RALGAPA2: variants seen among roughly 807,000 people sequenced by gnomAD.
RALGAPA2 encodes Ral GTPase activating protein catalytic subunit alpha 2.
Under a neutral mutation model 230.4 loss-of-function variants are expected in RALGAPA2, and 139 were observed. The ratio of observed to expected loss-of-function variants is 0.60; its 90% confidence interval spans 0.53 to 0.69. The LOEUF is 0.69. Ranked by LOEUF, RALGAPA2 falls within the 30% of genes least tolerant of loss-of-function variation. The pLI, the probability that RALGAPA2 is intolerant of heterozygous loss-of-function variation, is 0.00. For synonymous variants in RALGAPA2, 847 were observed against 837.8 expected (o/e 1.01, Z -0.19); for missense variants, 2,163 against 2,276.0 (o/e 0.95, Z 1.01).
At chr20:20,460,145 T>A (rs1182081165) in intron 37 of RALGAPA2, among the ~76,000 whole-genome samples, 1 of 152,186 alleles carries the variant, frequency 6.6e-6, no homozygotes, top group Non-Finnish European at 1.5e-5. Flanking sequence ...GAGATGTTCT[T>A]CTAGTTGGGG....
intron 16 of RALGAPA2, among the ~76,000 whole-genome samples, chr20:20,601,061 T>C (rs141045285): frequency 0.047 from 7,079 of 151,798 alleles, 229 homozygotes; most frequent in African/African-American, 0.083. Flanking sequence ...GATCACACCA[T>C]TGCATTTCAG....
intron 36 of RALGAPA2, among the ~76,000 whole-genome samples, chr20:20,486,081 A>C (rs2061901242): frequency 6.6e-6 from 1 of 152,164 alleles, no homozygotes; most frequent in African/African-American, 2.4e-5. Flanking sequence ...TCCAGGTTGC[A>C]GTGAGCCATG....
intron 32 of RALGAPA2, among the ~76,000 whole-genome samples, chr20:20,512,224 T>TACACACACACACACACACACAC (rs1257439741): frequency 1.5e-5 from 2 of 137,708 alleles, no homozygotes; most frequent in East Asian, 2.1e-4. Context: ...CAACCCCCCC[T>TACACACACACACACACACACAC]ACACACACAC....
intron 38 of RALGAPA2, among the ~76,000 whole-genome samples, chr20:20,410,717 T>C (rs1179029351): frequency 6.6e-6 from 1 of 152,270 alleles, no homozygotes; most frequent in Non-Finnish European, 1.5e-5. Context: ...TTTTTTAATG[T>C]AAGAAACATT....
At chr20:20,648,750 G>A (rs2067299452) in intron 4 of RALGAPA2, among the ~76,000 whole-genome samples, 1 of 152,078 alleles carries the variant, frequency 6.6e-6, no homozygotes, top group Admixed American at 6.6e-5. Context: ...AAGCGAGCAG[G>A]AGGTCAAAAG....
intron 19 of RALGAPA2, among the ~76,000 whole-genome samples, chr20:20,583,439 T>G (rs1015706106): frequency 7.9e-5 from 12 of 152,184 alleles, no homozygotes; most frequent in African/African-American, 2.7e-4. Flanking sequence ...AGGATATTAA[T>G]AGCCATTATG....
chr20:20,636,112 T>C (rs1201926711), intron 8 of RALGAPA2, among the ~76,000 whole-genome samples: 1 of 152,204 alleles, frequency 6.6e-6, no homozygotes, highest in Non-Finnish European at 1.5e-5. Context: ...ACAGAATCAA[T>C]ATCATCTACT....
intron 5 of RALGAPA2, among the ~76,000 whole-genome samples, chr20:20,643,005 A>G (rs985643695): frequency 1.1e-4 from 16 of 152,212 alleles, no homozygotes; most frequent in African/African-American, 3.1e-4. Context: ...AAATAAACCA[A>G]TTTTAACCTA....
At chr20:20,647,797 T>C (rs2067266591) in intron 4 of RALGAPA2, among the ~76,000 whole-genome samples, 1 of 152,074 alleles carries the variant, frequency 6.6e-6, no homozygotes, top group Admixed American at 6.6e-5. Context: ...AAAAAGATGC[T>C]TAAGATTATT....
intron 1 of RALGAPA2, among the ~76,000 whole-genome samples, chr20:20,703,627 A>T (rs2069481244): frequency 6.6e-6 from 1 of 152,236 alleles, no homozygotes; most frequent in Non-Finnish European, 1.5e-5. Flanking sequence ...CATTTTGCAA[A>T]AGTGTAAACT....
At chr20:20,693,203 G>C (rs1180408468) in intron 1 of RALGAPA2, among the ~76,000 whole-genome samples, 2 of 152,134 alleles carry the variant, frequency 1.3e-5, no homozygotes, top group East Asian at 1.9e-4. Context: ...TAAAGATATA[G>C]TCCAAATACT....
chr20:20,477,416 C>T (rs1294430702), intron 36 of RALGAPA2, among the ~76,000 whole-genome samples: 2 of 152,174 alleles, frequency 1.3e-5, no homozygotes, highest in Non-Finnish European at 1.5e-5. Flanking sequence ...CCTGCAGGGC[C>T]TAATTCCAAC....
Position 20,504,909 on chromosome 20 carries a change from G to GA in RALGAPA2, c.5052+501dup, listed in dbSNP as rs149480254. 2.6e-3 allele frequency: 2,252 copies of GA among 852,026 alleles called. 34 individuals are homozygous for GA. The African/African-American group carries it at 0.039, about 15-fold the overall frequency. The allele number at this position is 852,026 out of a possible 1,614,324, so 52.8% of individuals were successfully genotyped here. On this transcript the variant is annotated intron_variant, in intron 34 of 39. Transcript: ENST00000202677. ...GTATGTCAGAGTACCATTTAATAAA[G>GA]AAAAAATAAACTTTTTCAACATCAA...
chr20:20,447,319 C>T (rs954756068), intron 37 of RALGAPA2, among the ~76,000 whole-genome samples: 1 of 152,176 alleles, frequency 6.6e-6, no homozygotes. Flanking sequence ...GGAGACACTG[C>T]ATACAATAAA....
chr20:20,547,925 C>T (rs1031384138), intron 23 of RALGAPA2, among the ~76,000 whole-genome samples: 1 of 152,068 alleles, frequency 6.6e-6, no homozygotes, highest in African/African-American at 2.4e-5. Flanking sequence ...GCAATTGTAA[C>T]ACAATGGAAA....
intron 13 of RALGAPA2, among the ~76,000 whole-genome samples, chr20:20,614,022 A>T (rs1308524177): frequency 6.6e-6 from 1 of 152,204 alleles, no homozygotes; most frequent in Non-Finnish European, 1.5e-5. Flanking sequence ...GTTCGCCACT[A>T]TATTCTCACA....
At chr20:20,641,224 A>T (rs1470438800) in intron 5 of RALGAPA2, among the ~76,000 whole-genome samples, 1 of 152,264 alleles carries the variant, frequency 6.6e-6, no homozygotes, top group East Asian at 1.9e-4. Flanking sequence ...CTGAGTTAAC[A>T]TATGTAAACC....
Position 20,393,267 on chromosome 20 carries a change from A to G in RALGAPA2, c.*36-14T>C. On this transcript the variant is annotated splice_polypyrimidine_tract_variant and intron_variant, in intron 39 of 39. Coordinates refer to ENST00000202677, the MANE Select transcript of RALGAPA2 (RefSeq NM_020343.4). ...AGGCCAGGGCCCCTGCAAAGGAAGC[A>G]GAGAACTGCTAAGTCATGGAGGCAA... is the stretch of plus-strand genomic sequence containing the variant. The G allele has an allele frequency of 1.5e-6, 2 of 1,332,950 alleles. No individual in the cohort carries two copies. Among genetic ancestry groups the G allele is most frequent in the African/African-American group, 1.5e-5 (1 of 66,962 alleles). The allele number at this position is 1,332,950 out of a possible 1,614,324, so 82.6% of individuals were successfully genotyped here.
chr20:20,534,791 G>T (rs530736866), intron 26 of RALGAPA2, among the ~76,000 whole-genome samples: 11 of 152,216 alleles, frequency 7.2e-5, no homozygotes, highest in African/African-American at 2.6e-4. Flanking sequence ...ACCTGATAAG[G>T]GAAGGATGGG....
Sources: allele counts gnomAD v4.1 joint callset (sites outside exome capture counted in the v4.1 genomes callset), GRCh38; gene constraint gnomAD v4.1.1; transcripts MANE v1.5; gene names NCBI Gene and HGNC (gene_info 2026-07-23, HGNC 2026-07-21).